The following RNF13 variants were observed in gnomAD, a reference collection of about 807,000 sequenced individuals.
RNF13 encodes the protein ring finger protein 13.
Under a neutral mutation model 37.7 loss-of-function variants are expected in RNF13, and 19 were observed. The observed-to-expected ratio is 0.50, with a 90% CI of 0.35 to 0.74. The LOEUF is 0.74. Ranked by LOEUF, RNF13 falls within the 30% of genes least tolerant of loss-of-function variation. The pLI is 0.01. For missense variants in RNF13, 375 were observed against 453.0 expected, an observed-to-expected ratio of 0.83 and a Z score of 1.56; for synonymous variants, 144 against 157.8, an observed-to-expected ratio of 0.91 and a Z score of 0.65.
At chr3:149,915,615 G>T (rs1250233478) in intron 7 of RNF13, among the ~76,000 whole-genome samples, 1 of 152,208 alleles carries the variant, frequency 6.6e-6, no homozygotes, top group Non-Finnish European at 1.5e-5. Flanking sequence ...ATTGATGGAT[G>T]AAGGGATAAA....
chr3:149,823,091 C>T (rs1468164453), intron 1 of RNF13, among the ~76,000 whole-genome samples: 1 of 152,020 alleles, frequency 6.6e-6, no homozygotes, highest in Non-Finnish European at 1.5e-5. Flanking sequence ...TTAATTGAAT[C>T]CTAGCTTCAC....
intron 4 of RNF13, among the ~76,000 whole-genome samples, chr3:149,892,654 G>A (rs570156255): frequency 1.6e-4 from 24 of 152,264 alleles, no homozygotes; most frequent in Non-Finnish European, 2.1e-4. Flanking sequence ...TCGTAGGAGC[G>A]TGAACCCTAT....
chr3:149,924,966 G>A (rs1400449762), intron 8 of RNF13, among the ~76,000 whole-genome samples: 2 of 152,132 alleles, frequency 1.3e-5, no homozygotes, highest in African/African-American at 4.8e-5. Context: ...TAGAATATGT[G>A]GGTGAAAAAT....
At chr3:149,862,900 T>C (rs1724415676) in intron 3 of RNF13, among the ~76,000 whole-genome samples, 1 of 152,222 alleles carries the variant, frequency 6.6e-6, no homozygotes, top group African/African-American at 2.4e-5. Flanking sequence ...ATCTCCCTTC[T>C]TCTGTAAGTG....
intron 8 of RNF13, among the ~76,000 whole-genome samples, chr3:149,956,765 G>A (rs1180482903): frequency 6.6e-6 from 1 of 152,120 alleles, no homozygotes; most frequent in African/African-American, 2.4e-5. Context: ...TTATCCACTA[G>A]TGAATTAGCA....
At position 149,961,375 on chromosome 3, in the gene RNF13, T is replaced by G; in HGVS notation, c.*271T>G. ...TAGCCAAAACATAAAAAAAAAAAAA[T>G]CCTCAGTATAGCTTGCAATTAAGAC... On this transcript the variant is annotated 3_prime_UTR_variant, in exon 10 of 10. Transcript: ENST00000392894. 1 of 525,396 alleles carries G rather than the reference T, an allele frequency of 1.9e-6. No individual in the cohort carries two copies. The highest frequency in any genetic ancestry group is 2.0e-5 in the African/African-American group (1 of 48,870). The allele number at this position is 525,396 out of a possible 1,614,324, so 32.5% of individuals were successfully genotyped here.
At chr3:149,854,043 C>T (rs924908417) in intron 3 of RNF13, among the ~76,000 whole-genome samples, 3 of 151,536 alleles carry the variant, frequency 2.0e-5, no homozygotes, top group Non-Finnish European at 4.4e-5. Context: ...GCCATGTTGC[C>T]CAGGCTGGTC....
intron 1 of RNF13, among the ~76,000 whole-genome samples, chr3:149,825,202 A>C (rs748433179): frequency 6.8e-6 from 1 of 147,620 alleles, no homozygotes; most frequent in Non-Finnish European, 1.5e-5. Flanking sequence ...TTTAAGGCTT[A>C]GTCTTGCTCT....
rs760365736 is a variant in RNF13 at position 149,960,765 on chromosome 3, T to C, written c.807T>C (p.Pro269=). 24 of 1,613,624 alleles carry C rather than the reference T, an allele frequency of 1.5e-5. No individual in the cohort carries two copies. The highest frequency in any genetic ancestry group is 1.9e-5 in the Non-Finnish European group (23 of 1,179,820). The stretch of plus-strand genomic sequence containing the variant: ...CTTATCACTGCAAGTGTGTAGACCC[T>C]TGGCTAACTAAAACCAAAAAAACCT... ...SHAYHCKCVD[P]WLTKTKKTCP... is the part of the protein sequence containing the mutation. The change falls in exon 10 of 10, where the codon CCT becomes CCC. Residue 269 remains proline, a synonymous_variant. Transcript: ENST00000392894.
At chr3:149,878,630 T>C (rs80303714) in intron 4 of RNF13, among the ~76,000 whole-genome samples, 2,754 of 152,338 alleles carry the variant, frequency 0.018, 92 homozygotes, top group African/African-American at 0.062. Context: ...TATTGCTCCA[T>C]TCTCATCTGC....
chr3:149,920,784 C>A (rs1718035771), intron 7 of RNF13, among the ~76,000 whole-genome samples: 1 of 133,462 alleles, frequency 7.5e-6, no homozygotes, highest in South Asian at 2.5e-4. Context: ...TATCAACCTT[C>A]CCATTCTTTT....
chr3:149,814,655 T>C (rs1481218892), intron 1 of RNF13, among the ~76,000 whole-genome samples: 6 of 152,214 alleles, frequency 3.9e-5, no homozygotes, highest in African/African-American at 1.4e-4. Flanking sequence ...TTTAACAGTA[T>C]GTGTGTGTCA....
At chr3:149,887,347 A>T (rs1238864141) in intron 4 of RNF13, among the ~76,000 whole-genome samples, 1 of 152,140 alleles carries the variant, frequency 6.6e-6, no homozygotes, top group African/African-American at 2.4e-5. Flanking sequence ...TCTAGACCAA[A>T]CCGATACCTA....
At chr3:149,952,650 C>T (rs903431558) in intron 8 of RNF13, among the ~76,000 whole-genome samples, 6 of 151,576 alleles carry the variant, frequency 4.0e-5, no homozygotes, top group South Asian at 2.1e-4. Context: ...CCCAGGCTGG[C>T]GTGCAATAGT....
chr3:149,883,827 A>G (rs1713700587), intron 4 of RNF13, among the ~76,000 whole-genome samples: 1 of 152,012 alleles, frequency 6.6e-6, no homozygotes, highest in Non-Finnish European at 1.5e-5. Context: ...CCCAGCATCC[A>G]TTAGCTATTC....
At chr3:149,831,115 C>G (rs931917233) in intron 1 of RNF13, among the ~76,000 whole-genome samples, 1 of 152,222 alleles carries the variant, frequency 6.6e-6, no homozygotes, top group African/African-American at 2.4e-5. Flanking sequence ...GTGAAGCCCT[C>G]AGGGAGAACC....
intron 1 of RNF13, among the ~76,000 whole-genome samples, chr3:149,840,750 G>C (rs1044112069): frequency 6.6e-6 from 1 of 152,156 alleles, no homozygotes; most frequent in Non-Finnish European, 1.5e-5. Flanking sequence ...TAACTGATGG[G>C]CTATTATCTG....
At chr3:149,839,909 C>T (rs1472188874) in intron 1 of RNF13, among the ~76,000 whole-genome samples, 1 of 152,076 alleles carries the variant, frequency 6.6e-6, no homozygotes, top group Non-Finnish European at 1.5e-5. Context: ...AATTTCATGC[C>T]ATTTCCTCAT....
At chr3:149,860,342 A>G (rs1386393714) in intron 3 of RNF13, among the ~76,000 whole-genome samples, 1 of 149,308 alleles carries the variant, frequency 6.7e-6, no homozygotes, top group Non-Finnish European at 1.5e-5. Context: ...GTATACACAC[A>G]TATATACATA....
Sources: gnomAD v4.1 joint callset for allele counts (sites outside exome capture counted in the v4.1 genomes callset) on GRCh38, gnomAD v4.1.1 for gene constraint, MANE v1.5 for transcripts, NCBI Gene and HGNC (gene_info 2026-07-23, HGNC 2026-07-21) for gene names.